Variants in PRIM2 observed in about 807,000 individuals in gnomAD.
PRIM2 encodes the protein DNA primase subunit 2, also known as DNA primase large subunit.
In PRIM2, 39 loss-of-function variants were observed where a neutral mutation model predicts 67.3. The ratio of observed to expected loss-of-function variants is 0.58; its 90% CI spans 0.45 to 0.76. The LOEUF (loss-of-function observed/expected upper bound fraction) is 0.76. PRIM2 is among the 30% of genes least tolerant of loss of function. The pLI is 0.00. For synonymous variants in PRIM2, 143 were observed against 198.7 expected (o/e 0.72, Z 2.36); for missense variants, 398 against 598.7 (o/e 0.66, Z 3.50).
chr6:57,349,521 A>AT (rs1213608547), intron 5 of PRIM2, among the ~76,000 whole-genome samples: 3 of 151,142 alleles, frequency 2.0e-5, no homozygotes, highest in Non-Finnish European at 4.4e-5. Flanking sequence ...TGTGAATTTT[A>AT]TTTTTGGATA....
chr6:57,232,834 T>C, the PRIM2 span, among the ~76,000 whole-genome samples: 1 of 152,192 alleles, frequency 6.6e-6, no homozygotes, highest in Non-Finnish European at 1.5e-5. Flanking sequence ...CAGAAAGTTG[T>C]TGGGTGAGCA....
chr6:57,248,780 G>C, the PRIM2 span, among the ~76,000 whole-genome samples: 1 of 152,184 alleles, frequency 6.6e-6, no homozygotes, highest in Non-Finnish European at 1.5e-5. Flanking sequence ...AGTAGCCTCT[G>C]ATATCCAGTC....
intron 7 of PRIM2, among the ~76,000 whole-genome samples, chr6:57,384,144 C>A (rs1204562607): frequency 2.0e-5 from 3 of 152,154 alleles, no homozygotes; most frequent in African/African-American, 4.8e-5. Context: ...AAAATAGTTA[C>A]CATGGGATCA....
intron 10 of PRIM2, among the ~76,000 whole-genome samples, chr6:57,558,884 G>A (rs1380155657): frequency 0.72 from 109,062 of 151,702 alleles, 39,851 homozygotes; most frequent in African/African-American, 0.85. Flanking sequence ...TCTCAGTGCT[G>A]TGGGTGGCCA....
At chr6:57,437,042 G>A (rs1163744156) in intron 7 of PRIM2, among the ~76,000 whole-genome samples, 6 of 152,292 alleles carry the variant, frequency 3.9e-5, no homozygotes, top group African/African-American at 1.4e-4. Context: ...TACAGGAAGC[G>A]TGGCAACATC....
chr6:57,644,130 C>T (rs1442941375), intron 13 of PRIM2, among the ~76,000 whole-genome samples: 2 of 152,146 alleles, frequency 1.3e-5, no homozygotes, highest in Admixed American at 1.3e-4. Flanking sequence ...TGACCACTTA[C>T]CCTGATTTTC....
intron 13 of PRIM2, among the ~76,000 whole-genome samples, chr6:57,643,634 T>C (rs1777285338): frequency 6.6e-6 from 1 of 152,250 alleles, no homozygotes; most frequent in South Asian, 2.1e-4. Context: ...GCAAAATTTA[T>C]ATTGGATTTC....
the PRIM2 span, among the ~76,000 whole-genome samples, chr6:57,285,091 A>AAT: frequency 6.6e-6 from 1 of 152,226 alleles, no homozygotes. Flanking sequence ...CGAATCCCTG[A>AAT]ATAGACCAAT....
rs1252050238 is a variant in PRIM2 at position 57,520,386 on chromosome 6, C to A, written c.762-12025C>A. 1.4e-4 allele frequency among the ~76,000 whole-genome samples: 22 copies of A among 152,250 alleles called. No individual in the cohort carries two copies. In the South Asian group the frequency reaches 4.6e-3, roughly 32 times the overall value. ...CGACCTCTCACTTTTTCATGACTAA[C>A]CTATTATGAATCCTTTCTTTACTGT... On this transcript the variant is annotated intron_variant, in intron 8 of 13. Transcript: ENST00000615550.
chr6:57,498,416 A>G (rs1774053780), intron 7 of PRIM2, among the ~76,000 whole-genome samples: 1 of 152,160 alleles, frequency 6.6e-6, no homozygotes, highest in African/African-American at 2.4e-5. Context: ...AATAAACGTA[A>G]ATTTGGTTCT....
chr6:57,359,310 A>AC (rs2127309981), intron 5 of PRIM2, among the ~76,000 whole-genome samples: 1 of 152,296 alleles, frequency 6.6e-6, no homozygotes, highest in East Asian at 1.9e-4. Flanking sequence ...CCTGGCAGTA[A>AC]CTAGTAATTG....
intron 7 of PRIM2, among the ~76,000 whole-genome samples, chr6:57,447,636 G>C (rs1406164661): frequency 6.6e-6 from 1 of 152,200 alleles, no homozygotes; most frequent in East Asian, 1.9e-4. Context: ...ACTAGGGTAA[G>C]ATACCGTAAT....
At chr6:57,591,838 T>C (rs1287599151) in intron 10 of PRIM2, among the ~76,000 whole-genome samples, 102 of 150,950 alleles carry the variant, frequency 6.8e-4, no homozygotes, top group African/African-American at 2.4e-3. Context: ...CAAAGGAAAA[T>C]AAATTGTTCT....
intron 11 of PRIM2, among the ~76,000 whole-genome samples, chr6:57,603,667 CTT>C (rs1776511410): frequency 6.6e-6 from 1 of 151,674 alleles, no homozygotes; most frequent in Non-Finnish European, 1.5e-5. Context: ...CATTTAGACT[CTT>C]TTTTAGTTCC....
At chr6:57,244,729 G>T in the PRIM2 span, among the ~76,000 whole-genome samples, 2 of 138,496 alleles carry the variant, frequency 1.4e-5, no homozygotes, top group African/African-American at 5.2e-5. Context: ...TGATAAGAGC[G>T]AAACTCCATC....
intron 7 of PRIM2, among the ~76,000 whole-genome samples, chr6:57,419,331 G>C (rs12212357): frequency 1.3e-5 from 2 of 152,250 alleles, no homozygotes; most frequent in Admixed American, 6.5e-5. Context: ...TGAACTTAGG[G>C]TTATTCTAGG....
intron 5 of PRIM2, among the ~76,000 whole-genome samples, chr6:57,341,722 G>A (rs981009929): frequency 2.0e-5 from 3 of 152,196 alleles, no homozygotes; most frequent in African/African-American, 7.2e-5. Flanking sequence ...TCATGACAAA[G>A]CAAGGTTTGG....
the PRIM2 span, among the ~76,000 whole-genome samples, chr6:57,296,342 T>A: frequency 6.6e-6 from 1 of 152,090 alleles, no homozygotes; most frequent in South Asian, 2.1e-4. Flanking sequence ...ATATATATAT[T>A]ATAGGATTGA....
chr6:57,298,691 AATT>A, the PRIM2 span, among the ~76,000 whole-genome samples: 1 of 152,154 alleles, frequency 6.6e-6, no homozygotes, highest in Non-Finnish European at 1.5e-5. Flanking sequence ...AAATAATAAA[AATT>A]ATTATCTTAC....
Sources: allele counts gnomAD v4.1 joint callset (sites outside exome capture counted in the v4.1 genomes callset), GRCh38; gene constraint gnomAD v4.1.1; transcripts MANE v1.5; gene names NCBI Gene and HGNC (gene_info 2026-07-23, HGNC 2026-07-21).